The following ARFGEF2 variants were observed in gnomAD, a reference collection of about 807,000 sequenced individuals.
ARFGEF2 encodes brefeldin A-inhibited guanine nucleotide-exchange protein 2.
ARFGEF2 carries 74 observed loss-of-function variants against 219.9 expected under a neutral mutation model. The ratio of observed to expected loss-of-function variants is 0.34; its 90% CI spans 0.28 to 0.41. The LOEUF (loss-of-function observed/expected upper bound fraction) is 0.41. ARFGEF2 is among the 10% of genes least tolerant of loss of function. The pLI is 1.00. For missense variants in ARFGEF2, 1,743 were observed against 2,218.3 expected (o/e 0.79, Z 4.30); for synonymous variants, 733 against 799.2 (o/e 0.92, Z 1.40).
chr20:49,007,349 G>A (rs1047735483), intron 26 of ARFGEF2, among the ~76,000 whole-genome samples: 1 of 150,818 alleles, frequency 6.6e-6, no homozygotes, highest in East Asian at 1.9e-4. Flanking sequence ...GAGTGTAATG[G>A]TATGATCTCA....
intron 6 of ARFGEF2, 133 bp from the exon 7 acceptor site, chr20:48,963,697 T>G: frequency 1.8e-5 from 14 of 786,008 alleles, no homozygotes; most frequent in East Asian, 5.5e-5. Context: ...CACAATCAGA[T>G]TTGGCCTTGG....
At chr20:49,032,198 C>A in intron 38 of ARFGEF2, 32 bp downstream of exon 38, 1 of 1,507,364 alleles carries the variant, frequency 6.6e-7, no homozygotes, top group Non-Finnish European at 9.2e-7. Flanking sequence ...CCAATTTTCA[C>A]TAGGACATAA....
chr20:48,992,931 TC>T (rs2091365470), intron 21 of ARFGEF2, among the ~76,000 whole-genome samples: 1 of 152,180 alleles, frequency 6.6e-6, no homozygotes, highest in South Asian at 2.1e-4. Context: ...ATGCCTGTAG[TC>T]CCAGCTACTC....
chr20:48,958,459 C>CG (rs1359710888), intron 6 of ARFGEF2, among the ~76,000 whole-genome samples: 1 of 147,868 alleles, frequency 6.8e-6, no homozygotes, highest in African/African-American at 2.5e-5. Flanking sequence ...TTTTTTGAGA[C>CG]GGAGTCTCGC....
At chr20:48,929,301 T>A (rs1411380124) in intron 1 of ARFGEF2, among the ~76,000 whole-genome samples, 1 of 152,256 alleles carries the variant, frequency 6.6e-6, no homozygotes, top group Non-Finnish European at 1.5e-5. Context: ...ACAGCCTTCT[T>A]GTGCTAGGAC....
chr20:48,931,925 C>T (rs1362216278), intron 1 of ARFGEF2, among the ~76,000 whole-genome samples: 1 of 152,126 alleles, frequency 6.6e-6, no homozygotes, highest in African/African-American at 2.4e-5. Flanking sequence ...ATTTTGAGGG[C>T]ATCCCTCTGG....
chr20:48,999,549 C>T (rs540366118), intron 25 of ARFGEF2, among the ~76,000 whole-genome samples: 1 of 152,068 alleles, frequency 6.6e-6, no homozygotes, highest in East Asian at 1.9e-4. Flanking sequence ...AGATCGAGAC[C>T]GTCCTGGCTA....
chr20:48,951,181 G>A, intron 3 of ARFGEF2, 142 bp from the exon 4 acceptor site: 1 of 949,440 alleles, frequency 1.1e-6, no homozygotes, highest in Non-Finnish European at 1.6e-6. Flanking sequence ...CAGTCACAGA[G>A]TGGTTATGCC....
At position 48,953,537 on chromosome 20, in the gene ARFGEF2, C is replaced by T. The variant is rs771741450; in HGVS notation, c.604-19C>T. On this transcript the variant is annotated intron_variant, in intron 5 of 38. Coordinates refer to ENST00000371917, the MANE Select transcript of ARFGEF2 (RefSeq NM_006420.3). ...TCTTCCTTACCAAAATGCTGTATCCCCCTTTTGTTGCCTTTTAGTTGCAGG... is the reference window on the plus strand; with the variant it reads ...TCTTCCTTACCAAAATGCTGTATCCTCCTTTTGTTGCCTTTTAGTTGCAGG... 6.2e-7 allele frequency: 1 copy of T among 1,607,204 alleles called. No homozygotes were observed. Among genetic ancestry groups the T allele is most frequent in the East Asian group, 2.2e-5 (1 of 44,836 alleles).
At chr20:48,933,723 C>T (rs768256817) in intron 1 of ARFGEF2, among the ~76,000 whole-genome samples, 5 of 152,044 alleles carry the variant, frequency 3.3e-5, no homozygotes, top group East Asian at 1.9e-4. Context: ...TCTCTCATGG[C>T]GGTGTCAAGA....
rs759571450 is a variant in ARFGEF2, at chr20:48,965,941, C to T, written c.977C>T (p.Ala326Val). The change falls in exon 8 of 39, where the codon GCT becomes GTT. Residue 326 changes from alanine to valine, a missense_variant. Transcript: ENST00000371917. ...GGTGAACTGGAGTGCCAGGAATGTG[C>T]TATTCCCCCAGGAGTTGATGAAAAC... ...VLGELECQEC[A>V]IPPGVDENSQ... The T allele has an allele frequency of 2.5e-6, 4 of 1,614,170 alleles. No individual in the cohort carries two copies. The highest frequency in any genetic ancestry group is 2.5e-6 in the Non-Finnish European group (3 of 1,180,010).
chr20:48,994,831 C>G (rs2091377172), intron 22 of ARFGEF2, among the ~76,000 whole-genome samples: 1 of 152,062 alleles, frequency 6.6e-6, no homozygotes, highest in Non-Finnish European at 1.5e-5. Context: ...CTTTCTATAC[C>G]TATCACTATA....
intron 30 of ARFGEF2, among the ~76,000 whole-genome samples, chr20:49,014,644 G>A (rs2091519670): frequency 6.6e-6 from 1 of 152,082 alleles, no homozygotes; most frequent in Non-Finnish European, 1.5e-5. Context: ...ATGATTCGGA[G>A]GCCAGGCACA....
At position 48,951,373 on chromosome 20, in the gene ARFGEF2, C is replaced by T. The variant is rs769233153; in HGVS notation, c.327C>T (p.Ala109=). 1 of 1,614,152 alleles carries T rather than the reference C, an allele frequency of 6.2e-7. No homozygotes were observed. The highest frequency in any genetic ancestry group is 1.7e-5 in the Admixed American group (1 of 60,026). Reference sequence around the variant, plus strand: ...CTGGCAACGCCCCTGACAGTGGAGCCCCTGGGAAGCGGCTGATCGACAGAA... The same window carrying T: ...CTGGCAACGCCCCTGACAGTGGAGCTCCTGGGAAGCGGCTGATCGACAGAA... ...HITGNAPDSG[A]PGKRLIDRIV... Residue 109 remains alanine, a synonymous_variant, in exon 4 of 39, where the codon GCC becomes GCT. Coordinates refer to ENST00000371917, the MANE Select transcript of ARFGEF2 (RefSeq NM_006420.3).
chr20:48,969,325 GCA>G, intron 9 of ARFGEF2, 48 bp downstream of exon 9: 1 of 1,613,546 alleles, frequency 6.2e-7, no homozygotes, highest in Non-Finnish European at 8.5e-7. Context: ...TGATCCAGCA[GCA>G]CATGGTACTG....
intron 6 of ARFGEF2, among the ~76,000 whole-genome samples, chr20:48,961,083 TATAATA>T (rs371551603): frequency 1.7e-3 from 250 of 144,008 alleles, no homozygotes; most frequent in African/African-American, 4.9e-3. Context: ...TGTCTCAAAA[TATAATA>T]ATAATAATAA....
intron 1 of ARFGEF2, among the ~76,000 whole-genome samples, chr20:48,924,196 T>A (rs770763908): frequency 6.6e-6 from 1 of 152,138 alleles, no homozygotes; most frequent in Non-Finnish European, 1.5e-5. Flanking sequence ...CAGTCTTGTG[T>A]CCAGTAGTCC....
chr20:49,023,400 A>G (rs1403081488), intron 35 of ARFGEF2, among the ~76,000 whole-genome samples: 1 of 151,788 alleles, frequency 6.6e-6, no homozygotes, highest in African/African-American at 2.4e-5. Flanking sequence ...TCAGGGCTTC[A>G]TTTTTTTTAT....
chr20:49,027,251 TCTCACTCTCTTGAC>T (rs1325517693), intron 36 of ARFGEF2, among the ~76,000 whole-genome samples: 1 of 151,810 alleles, frequency 6.6e-6, no homozygotes, highest in African/African-American at 2.4e-5. Context: ...ACGCCAGTGG[TCTCACTCTCTTGAC>T]CTCATGATCC....
Sources: gnomAD v4.1 joint callset for allele counts (sites outside exome capture counted in the v4.1 genomes callset) on GRCh38, gnomAD v4.1.1 for gene constraint, MANE v1.5 for transcripts, NCBI Gene and HGNC (gene_info 2026-07-23, HGNC 2026-07-21) for gene names.